The following ZC3H4 variants were observed in gnomAD, a reference collection of about 807,000 sequenced individuals.
ZC3H4 encodes the protein zinc finger CCCH-type containing 4, also known as zinc finger CCCH domain-containing protein 4.
A neutral mutation model predicts 108.3 loss-of-function variants in ZC3H4; 13 were observed. The observed-to-expected ratio is 0.12, with a 90% CI of 0.08 to 0.19. ZC3H4 has a LOEUF of 0.19. ZC3H4 is among the 10% of genes least tolerant of loss of function. The pLI is 1.00. For missense variants in ZC3H4, 1,734 were observed against 1,838.8 expected, an observed-to-expected ratio of 0.94 and a Z score of 1.04; for synonymous variants, 917 against 749.6, an observed-to-expected ratio of 1.22 and a Z score of -3.65.
Position 47,067,041 on chromosome 19 carries a change from G to A in ZC3H4, c.3227C>T (p.Ala1076Val), listed in dbSNP as rs1393639197. The A allele has an allele frequency of 3.7e-5, 59 of 1,604,232 alleles. No homozygotes were observed. The highest frequency in any genetic ancestry group is 4.8e-5 in the Non-Finnish European group (56 of 1,175,276). Residue 1076 changes from alanine (A) to valine (V), a missense_variant, in exon 15 of 15, where the codon GCC becomes GTC. This residue lies in a region of ZC3H4 where 518 missense variants were observed against 499.6 expected (regional missense o/e 1.04). Transcript: ENST00000253048. The surrounding 1 kb of genome is among the most constrained non-coding windows in gnomAD (Gnocchi z 6.4). ...DKPSDPRVRK[A>V]PTDPRLQKPT... ...TTTCTGCAGCCGAGGGTCGGTGGGG[G>A]CCTTCCGCACCCGGGGGTCACTGGG...
rs763643619 is a variant in ZC3H4, at chr19:47,066,368, G to A, written c.3900C>T (p.Pro1300=). Residue 1300 remains proline (P), a synonymous_variant, in exon 15 of 15, where the codon CCC becomes CCT. Coordinates refer to ENST00000253048, the MANE Select transcript of ZC3H4 (RefSeq NM_015168.2). ...CTCTGGCTGGACACTACTGGCAAAA[G>A]GGGGAGGCCGTGGGGTCGAAGCCTT... ...VFKGFDPTAS[P]FCQ is the part of the protein sequence containing the mutation. 3 of 1,553,962 alleles carry A rather than the reference G, an allele frequency of 1.9e-6. No homozygotes were observed. The highest frequency in any genetic ancestry group is 2.3e-5 in the East Asian group (1 of 43,750).
At chr19:47,080,776 G>A (rs554528800) in intron 11 of ZC3H4, among the ~76,000 whole-genome samples, 9 of 151,720 alleles carry the variant, frequency 5.9e-5, no homozygotes, top group Admixed American at 1.3e-4. Flanking sequence ...GGGACTACAC[G>A]CATGTGCCAC....
At position 47,112,566 on chromosome 19, in the gene ZC3H4, T is replaced by C; in HGVS notation, c.19A>G (p.Thr7Ala). 2 of 1,055,704 alleles carry C rather than the reference T, an allele frequency of 1.9e-6. No homozygotes were observed. Among genetic ancestry groups the C allele is most frequent in the Non-Finnish European group, 2.4e-6 (2 of 829,560 alleles). 65.4% of individuals were successfully genotyped at this position (1,055,704 alleles called of 1,614,324 possible). The change falls in exon 2 of 15, where the codon ACC (threonine) becomes GCC (alanine). Residue 7 changes from threonine (T) to alanine (A), a missense_variant. Thr to Ala is a moderately conservative substitution (Grantham distance 58, BLOSUM62 0). Coordinates refer to ENST00000253048, the MANE Select transcript of ZC3H4 (RefSeq NM_015168.2). ...GACTCTGATGGCGGCGGCGGGGGGG[T>C]CCCGGGCGCGGCCTCCATAGTTCCT... MEAAPGTPPPPPSESPP... is the reference protein window; with the variant it reads MEAAPGAPPPPPSESPP...
At position 47,108,530 on chromosome 19, in the gene ZC3H4, G is replaced by T. The variant is rs558353627; in HGVS notation, c.161+3894C>A. Among the ~76,000 whole-genome samples the T allele has an allele frequency of 3.5e-4, 53 of 152,312 alleles. 1 individual carries two copies. The highest frequency in any genetic ancestry group is 1.3e-3 in the African/African-American group (53 of 41,558). On this transcript the variant is annotated intron_variant, in intron 2 of 14. Transcript: ENST00000253048. ...AGATCTAAGAGCAAGAAGCAGAGGTGTAGGCACCGTTAAATAAATTACTAA... is the reference window on the plus strand; with the variant it reads ...AGATCTAAGAGCAAGAAGCAGAGGTTTAGGCACCGTTAAATAAATTACTAA...
At position 47,067,108 on chromosome 19, in the gene ZC3H4, T is replaced by G. The variant is rs1295266645; in HGVS notation, c.3160A>C (p.Asn1054His). 2 of 1,611,756 alleles carry G rather than the reference T, an allele frequency of 1.2e-6. No individual in the cohort carries two copies. Among genetic ancestry groups the G allele is most frequent in the Non-Finnish European group, 8.5e-7 (1 of 1,178,910 alleles). ...ELLSRILKTV[N>H]ATGSSAAPGS... ...GGGGCGGCCGAGGAGCCGGTGGCAT[T>G]GACTGTCTTGAGGATGCGAGACAGA... The change falls in exon 15 of 15, where the codon AAT becomes CAT. Residue 1054 changes from asparagine (N) to histidine (H), a missense_variant. By Grantham distance (68) the Asn-to-His change is moderately conservative. This residue lies in a region of ZC3H4 where 518 missense variants were observed against 499.6 expected (regional missense o/e 1.04). Transcript: ENST00000253048. The surrounding 1 kb of genome is among the most constrained non-coding windows in gnomAD (Gnocchi z 6.4).
At chr19:47,101,036 C>G (rs941741856) in intron 2 of ZC3H4, among the ~76,000 whole-genome samples, 1 of 151,868 alleles carries the variant, frequency 6.6e-6, no homozygotes, top group African/African-American at 2.4e-5. Context: ...GTTAGAGATT[C>G]ATACTGAAGA....
At chr19:47,077,410 G>C (rs2057442532) in intron 11 of ZC3H4, among the ~76,000 whole-genome samples, 1 of 151,818 alleles carries the variant, frequency 6.6e-6, no homozygotes, top group Admixed American at 6.6e-5. Flanking sequence ...GGAGGTTGCA[G>C]TGAGCCGAGA....
chr19:47,109,108 A>G (rs2058004017), intron 2 of ZC3H4, among the ~76,000 whole-genome samples: 1 of 151,888 alleles, frequency 6.6e-6, no homozygotes. Flanking sequence ...TTTTTTTGCA[A>G]CATCCATTAA....
At chr19:47,100,795 T>C (rs1327283683) in intron 2 of ZC3H4, among the ~76,000 whole-genome samples, 1 of 151,940 alleles carries the variant, frequency 6.6e-6, no homozygotes, top group African/African-American at 2.4e-5. Flanking sequence ...GCCTCCTGGG[T>C]TCAAGTGATT....
intron 11 of ZC3H4, among the ~76,000 whole-genome samples, chr19:47,080,643 G>A (rs1363749947): frequency 2.0e-5 from 3 of 148,934 alleles, no homozygotes; most frequent in Admixed American, 1.4e-4. Flanking sequence ...CCATAGGCAT[G>A]TGCCACAATA....
chr19:47,077,654 G>A (rs1429244104), intron 11 of ZC3H4, among the ~76,000 whole-genome samples: 2 of 152,190 alleles, frequency 1.3e-5, no homozygotes, highest in Admixed American at 6.5e-5. Context: ...TTGGGAGTTC[G>A]AGACCAGCCT....
chr19:47,077,198 C>T (rs1360106291), intron 11 of ZC3H4, among the ~76,000 whole-genome samples: 3 of 151,308 alleles, frequency 2.0e-5, no homozygotes, highest in East Asian at 2.0e-4. Context: ...ATATCAGGTG[C>T]GGTGGTTCAT....
chr19:47,075,317 T>C (rs778472276), intron 11 of ZC3H4, among the ~76,000 whole-genome samples: 8 of 152,132 alleles, frequency 5.3e-5, no homozygotes, highest in Non-Finnish European at 1.2e-4. Context: ...AGATGAGCCT[T>C]GCTGGGAGGG....
intron 3 of ZC3H4, 83 bp from the exon 4 acceptor site, chr19:47,094,163 G>T: frequency 7.2e-7 from 1 of 1,387,654 alleles, no homozygotes; most frequent in Non-Finnish European, 1.0e-6. Context: ...AAACTATGCT[G>T]GCATGTGCCG....
chr19:47,106,300 A>T (rs369070194), intron 2 of ZC3H4, among the ~76,000 whole-genome samples: 10 of 152,182 alleles, frequency 6.6e-5, no homozygotes, highest in African/African-American at 2.4e-4. Flanking sequence ...GGCAGCACCC[A>T]GGCAGACATG....
chr19:47,106,161 C>T (rs950188485), intron 2 of ZC3H4, among the ~76,000 whole-genome samples: 2 of 152,176 alleles, frequency 1.3e-5, no homozygotes, highest in African/African-American at 4.8e-5. Context: ...GTTGCCCCTT[C>T]GGAAAGACAA....
intron 2 of ZC3H4, among the ~76,000 whole-genome samples, chr19:47,109,262 T>C (rs1342185080): frequency 6.6e-6 from 1 of 152,220 alleles, no homozygotes; most frequent in Admixed American, 6.5e-5. Flanking sequence ...TCTTTGAGAA[T>C]GGAAAACAAT....
At chr19:47,108,589 T>C (rs141374098) in intron 2 of ZC3H4, among the ~76,000 whole-genome samples, 1 of 152,318 alleles carries the variant, frequency 6.6e-6, no homozygotes, top group African/African-American at 2.4e-5. Flanking sequence ...TACATTCAAC[T>C]GTATGGAAAC....
chr19:47,086,646 C>CCTCCTT, intron 5 of ZC3H4, 108 bp from the exon 6 acceptor site: 1 of 1,424,340 alleles, frequency 7.0e-7, no homozygotes, highest in Non-Finnish European at 9.1e-7. Context: ...GCTGCCTCCT[C>CCTCCTT]CTCCTTCTCC....
Sources: gnomAD v4.1 joint callset for allele counts (sites outside exome capture counted in the v4.1 genomes callset) on GRCh38, gnomAD v4.1.1 for gene constraint, gnomAD v4.1.1 regional missense constraint, Gnocchi (gnomAD v3.1) non-coding constraint, MANE v1.5 for transcripts, NCBI Gene and HGNC (gene_info 2026-07-23, HGNC 2026-07-21) for gene names.